The following MAPK14 variants were observed in gnomAD, a reference collection of about 807,000 sequenced individuals.
The protein encoded by MAPK14 is mitogen-activated protein kinase 14.
A neutral mutation model predicts 49.6 loss-of-function variants in MAPK14; 16 were observed. The ratio of observed to expected loss-of-function variants is 0.32; its 90% CI spans 0.22 to 0.49. The LOEUF (loss-of-function observed/expected upper bound fraction) is 0.49. Among genes scored for constraint, MAPK14 ranks in the 20% least tolerant of loss-of-function variants. MAPK14 has a pLI of 0.99. For missense variants in MAPK14, 200 were observed against 441.2 expected (o/e 0.45, Z 4.90); for synonymous variants, 142 against 158.0 (o/e 0.90, Z 0.76).
chr6:36,052,235 C>T (rs751498440), intron 1 of MAPK14, among the ~76,000 whole-genome samples: 40 of 152,078 alleles, frequency 2.6e-4, no homozygotes, highest in Non-Finnish European at 4.1e-4. Context: ...GGCAAGGTGA[C>T]GACAGTGAGG....
intron 3 of MAPK14, among the ~76,000 whole-genome samples, chr6:36,070,021 AT>A: frequency 6.6e-6 from 1 of 152,346 alleles, no homozygotes. Context: ...CCGAAATTAG[AT>A]TCTGTCTTCC....
At chr6:36,063,100 C>T (rs1437093100) in intron 3 of MAPK14, among the ~76,000 whole-genome samples, 1 of 152,136 alleles carries the variant, frequency 6.6e-6, no homozygotes, top group Non-Finnish European at 1.5e-5. Flanking sequence ...TGTCATTGTG[C>T]AGACATCATA....
At chr6:36,047,261 A>G (rs955857086) in intron 1 of MAPK14, among the ~76,000 whole-genome samples, 1 of 152,134 alleles carries the variant, frequency 6.6e-6, no homozygotes, top group Non-Finnish European at 1.5e-5. Context: ...GACTATTTAA[A>G]CCAATACTTG....
chr6:36,116,094 G>A (rs1430919545), downstream of MAPK14, among the ~76,000 whole-genome samples: 1 of 152,112 alleles, frequency 6.6e-6, no homozygotes, highest in Non-Finnish European at 1.5e-5. Context: ...GGGTGACAGA[G>A]TGAGACCCTG....
intron 3 of MAPK14, among the ~76,000 whole-genome samples, chr6:36,063,930 A>G (rs926962398): frequency 6.6e-6 from 1 of 152,208 alleles, no homozygotes; most frequent in African/African-American, 2.4e-5. Flanking sequence ...GTTTGGCAAG[A>G]TACTGCATGC....
chr6:36,029,456 A>G (rs1162193030), intron 1 of MAPK14, among the ~76,000 whole-genome samples: 1 of 152,208 alleles, frequency 6.6e-6, no homozygotes, highest in Non-Finnish European at 1.5e-5. Flanking sequence ...ATTTTCTATA[A>G]TTTGAAAGCT....
In MAPK14 at chr6:36,051,123, T is replaced by C. The variant is rs576767813; in HGVS notation, c.117-1576T>C. Among the ~76,000 whole-genome samples the C allele has an allele frequency of 1.2e-3, 179 of 152,040 alleles. 3 individuals carry two copies. The South Asian group carries it at 0.036, about 31-fold the overall frequency. On this transcript the variant is annotated intron_variant, in intron 1 of 11. Transcript: ENST00000229794. Reference sequence around the variant, plus strand: ...AGACAATTTCTGTTATTACTATTTTTTTTTTTTTTTGAGACCGAGTTTCAC... The same window carrying C: ...AGACAATTTCTGTTATTACTATTTTCTTTTTTTTTTGAGACCGAGTTTCAC...
At position 36,072,972 on chromosome 6, in the gene MAPK14, C is replaced by T. The variant is rs745582499; in HGVS notation, c.405C>T (p.Leu135=). Residue 135 remains leucine (L), a synonymous_variant, in exon 4 of 12, where the codon CTC becomes CTT. Transcript: ENST00000229794. ...DHVQFLIYQI[L]RGLKYIHSAD... is the part of the protein sequence containing the mutation. ...TTCAGTTCCTTATCTACCAAATTCT[C>T]CGAGGTCTAAAGGTACAGATAATAC... The T allele has an allele frequency of 1.3e-6, 2 of 1,598,880 alleles. No homozygotes were observed. The highest frequency in any genetic ancestry group is 2.7e-5 in the African/African-American group (2 of 74,568).
At chr6:36,088,980 A>G (rs1430402226) in intron 8 of MAPK14, among the ~76,000 whole-genome samples, 1 of 152,200 alleles carries the variant, frequency 6.6e-6, no homozygotes, top group Non-Finnish European at 1.5e-5. Context: ...TAGTTCAACC[A>G]TTGTGGAAGA....
At chr6:36,029,371 G>A (rs891799037) in intron 1 of MAPK14, among the ~76,000 whole-genome samples, 4 of 152,152 alleles carry the variant, frequency 2.6e-5, no homozygotes, top group Non-Finnish European at 5.9e-5. Flanking sequence ...TAAGTCGATA[G>A]CATATAATTT....
intron 1 of MAPK14, among the ~76,000 whole-genome samples, chr6:36,049,054 T>G (rs1417385818): frequency 6.6e-6 from 1 of 152,186 alleles, no homozygotes; most frequent in East Asian, 1.9e-4. Flanking sequence ...AGTGTTGATA[T>G]AGACTCCAGG....
At chr6:36,071,847 AC>A (rs1169081846) in intron 3 of MAPK14, among the ~76,000 whole-genome samples, 6 of 151,950 alleles carry the variant, frequency 3.9e-5, no homozygotes, top group Non-Finnish European at 5.9e-5. Context: ...TCTAATCCCT[AC>A]CTTTGCTGTT....
In MAPK14 at chr6:36,027,847, C is replaced by G. The variant is rs529504339; in HGVS notation, c.-311C>G. ...GGGCGCAGCAGCTGGAACGGGAGTA[C>G]TGCGACGCAGCCCGGAGTCGGCCTT... On this transcript the variant is annotated 5_prime_UTR_variant, in exon 1 of 12. Coordinates refer to ENST00000229794, the MANE Select transcript of MAPK14 (RefSeq NM_139012.3). 13 of 402,530 alleles carry G rather than the reference C, an allele frequency of 3.2e-5. No individual in the cohort carries two copies. Among genetic ancestry groups the G allele is most frequent in the East Asian group, 3.2e-4 (9 of 28,080 alleles). 24.9% of individuals were successfully genotyped at this position (402,530 alleles called of 1,614,324 possible).
chr6:36,073,743 C>T, intron 5 of MAPK14, 23 bp downstream of exon 5: 1 of 1,607,868 alleles, frequency 6.2e-7, no homozygotes, highest in Non-Finnish European at 8.5e-7. Context: ...ACTTTGATTA[C>T]ATTATTTTGG....
chr6:36,060,692 A>G (rs1183246719), intron 3 of MAPK14, among the ~76,000 whole-genome samples: 3 of 152,160 alleles, frequency 2.0e-5, no homozygotes, highest in Admixed American at 1.3e-4. Flanking sequence ...CAAAGGGGAT[A>G]TGTTTGAACT....
At chr6:36,102,750 ATTAGTTG>A (rs1765679802) in intron 10 of MAPK14, 101 bp downstream of exon 10, 1 of 1,574,528 alleles carries the variant, frequency 6.4e-7, no homozygotes, top group Admixed American at 2.0e-5. Flanking sequence ...ATAAAGTACC[ATTAGTTG>A]AATCTTGGAA....
intron 2 of MAPK14, among the ~76,000 whole-genome samples, chr6:36,057,172 T>G (rs1393056067): frequency 6.6e-6 from 1 of 152,196 alleles, no homozygotes; most frequent in African/African-American, 2.4e-5. Context: ...ATACATATAT[T>G]TTTCTTGCAG....
chr6:36,070,915 T>TA (rs1224059676), intron 3 of MAPK14, among the ~76,000 whole-genome samples: 4 of 152,066 alleles, frequency 2.6e-5, no homozygotes, highest in African/African-American at 7.2e-5. Context: ...CCAAAATTCA[T>TA]AAAAAAATGA....
At chr6:36,081,182 A>C (rs2127451195) in intron 8 of MAPK14, among the ~76,000 whole-genome samples, 1 of 152,080 alleles carries the variant, frequency 6.6e-6, no homozygotes, top group Non-Finnish European at 1.5e-5. Flanking sequence ...ATTAAGTTCC[A>C]ATTTATTTTT....
Sources: allele counts gnomAD v4.1 joint callset (sites outside exome capture counted in the v4.1 genomes callset), GRCh38; gene constraint gnomAD v4.1.1; transcripts MANE v1.5; gene names NCBI Gene and HGNC (gene_info 2026-07-23, HGNC 2026-07-21).